The following PDGFC variants were observed in gnomAD, a reference collection of about 807,000 sequenced individuals.
The protein encoded by PDGFC is platelet-derived growth factor C.
A neutral mutation model predicts 35.5 loss-of-function variants in PDGFC; 12 were observed. The ratio of observed to expected loss-of-function variants is 0.34; its 90% confidence interval spans 0.22 to 0.55. The LOEUF is 0.55. PDGFC is among the 20% of genes least tolerant of loss of function. The probability of loss-of-function intolerance (pLI) is 0.91; values close to 1 mark genes in which losing one functional copy is unlikely to be tolerated. For synonymous variants in PDGFC, 159 were observed against 148.8 expected, an observed-to-expected ratio of 1.07 and a Z score of -0.50; for missense variants, 322 against 412.4, an observed-to-expected ratio of 0.78 and a Z score of 1.90.
At chr4:156,790,223 C>T (rs1033044244) in intron 3 of PDGFC, among the ~76,000 whole-genome samples, 3 of 151,948 alleles carry the variant, frequency 2.0e-5, no homozygotes, top group African/African-American at 7.3e-5. Context: ...AAATAATGCA[C>T]ATAATTGTAT....
At chr4:156,846,917 T>A (rs1020308373) in intron 2 of PDGFC, among the ~76,000 whole-genome samples, 2 of 151,840 alleles carry the variant, frequency 1.3e-5, no homozygotes, top group South Asian at 2.1e-4. Flanking sequence ...AATATTGACA[T>A]GTTAAGAGCA....
chr4:156,902,198 T>C (rs1730805287), intron 1 of PDGFC, among the ~76,000 whole-genome samples: 2 of 152,236 alleles, frequency 1.3e-5, no homozygotes, highest in Non-Finnish European at 2.9e-5. Context: ...GTCTTCTACA[T>C]ATCTTGTTAT....
intron 1 of PDGFC, among the ~76,000 whole-genome samples, chr4:156,906,231 CAG>C (rs1029893725): frequency 6.6e-6 from 1 of 152,114 alleles, no homozygotes; most frequent in Non-Finnish European, 1.5e-5. Flanking sequence ...ACTGCTTGCT[CAG>C]GTTTCTTAAT....
intron 3 of PDGFC, among the ~76,000 whole-genome samples, chr4:156,789,780 T>A (rs1731239151): frequency 6.6e-6 from 1 of 152,044 alleles, no homozygotes; most frequent in Non-Finnish European, 1.5e-5. Context: ...ATCGAGACCA[T>A]CCTGGCTAAC....
intron 2 of PDGFC, among the ~76,000 whole-genome samples, chr4:156,839,490 T>C (rs914904973): frequency 2.0e-5 from 3 of 152,206 alleles, no homozygotes; most frequent in Non-Finnish European, 4.4e-5. Flanking sequence ...TAAACTTCTT[T>C]CCTTTATAAA....
chr4:156,879,855 G>A (rs1195486552), intron 1 of PDGFC, among the ~76,000 whole-genome samples: 2 of 152,254 alleles, frequency 1.3e-5, no homozygotes, highest in Non-Finnish European at 2.9e-5. Flanking sequence ...TTCTGTTGCT[G>A]AGCTAAATAA....
chr4:156,793,508 A>C (rs2110888385), intron 3 of PDGFC, among the ~76,000 whole-genome samples: 1 of 145,420 alleles, frequency 6.9e-6, no homozygotes, highest in East Asian at 2.0e-4. Flanking sequence ...GTTAAGTACT[A>C]TTTTATAATA....
intron 1 of PDGFC, among the ~76,000 whole-genome samples, chr4:156,930,049 T>A (rs752441636): frequency 7.2e-5 from 11 of 152,240 alleles, no homozygotes; most frequent in Non-Finnish European, 1.5e-4. Flanking sequence ...CTGGATTGAT[T>A]TGTCATTAGA....
chr4:156,809,948 T>A (rs1731885857), intron 3 of PDGFC, among the ~76,000 whole-genome samples: 1 of 151,896 alleles, frequency 6.6e-6, no homozygotes. Flanking sequence ...ATATATCCCA[T>A]ATTTAAATAT....
intron 3 of PDGFC, among the ~76,000 whole-genome samples, chr4:156,799,021 AT>A (rs1382467430): frequency 6.6e-6 from 1 of 152,216 alleles, no homozygotes; most frequent in African/African-American, 2.4e-5. Flanking sequence ...AGAGTCTTAG[AT>A]AATTGCTACC....
intron 1 of PDGFC, among the ~76,000 whole-genome samples, chr4:156,888,601 T>C (rs1730431065): frequency 1.3e-5 from 2 of 152,184 alleles, no homozygotes; most frequent in Non-Finnish European, 2.9e-5. Flanking sequence ...GTGTTACTGG[T>C]TTCTTTTACC....
At chr4:156,824,443 A>G (rs1014374377) in intron 2 of PDGFC, among the ~76,000 whole-genome samples, 9 of 151,422 alleles carry the variant, frequency 5.9e-5, no homozygotes, top group South Asian at 2.1e-4. Flanking sequence ...CGTTTACCAT[A>G]ATTAACACTC....
intron 3 of PDGFC, among the ~76,000 whole-genome samples, chr4:156,786,136 T>C (rs1731120429): frequency 6.6e-6 from 1 of 152,148 alleles, no homozygotes; most frequent in African/African-American, 2.4e-5. Flanking sequence ...ATGTAATATA[T>C]ATTCATTTGC....
chr4:156,833,692 C>A (rs1188200888), intron 2 of PDGFC, among the ~76,000 whole-genome samples: 1 of 152,110 alleles, frequency 6.6e-6, no homozygotes, highest in Non-Finnish European at 1.5e-5. Context: ...TAATTTTATT[C>A]TTATATAATA....
intron 5 of PDGFC, among the ~76,000 whole-genome samples, chr4:156,766,907 T>C (rs958467773): frequency 1.3e-5 from 2 of 152,166 alleles, no homozygotes; most frequent in Non-Finnish European, 2.9e-5. Flanking sequence ...TCTTGATGCA[T>C]ATGAAAAATC....
intron 1 of PDGFC, among the ~76,000 whole-genome samples, chr4:156,858,187 C>T (rs2111105627): frequency 6.6e-6 from 1 of 152,124 alleles, no homozygotes; most frequent in South Asian, 2.1e-4. Flanking sequence ...CAGAGAGGAT[C>T]TATAAAATTT....
At chr4:156,780,154 T>C (rs1273783407) in intron 3 of PDGFC, among the ~76,000 whole-genome samples, 1 of 150,146 alleles carries the variant, frequency 6.7e-6, no homozygotes, top group Non-Finnish European at 1.5e-5. Context: ...ACAATTCCTC[T>C]GAATAAACAA....
chr4:156,775,006 G>C (rs910493462), intron 3 of PDGFC, among the ~76,000 whole-genome samples: 1 of 152,140 alleles, frequency 6.6e-6, no homozygotes, highest in African/African-American at 2.4e-5. Flanking sequence ...TTAGGACTAA[G>C]ATATTTTCTA....
At chr4:156,936,136 TCTGTGA>T (rs1235912088) in intron 1 of PDGFC, among the ~76,000 whole-genome samples, 2 of 152,232 alleles carry the variant, frequency 1.3e-5, no homozygotes, top group Non-Finnish European at 2.9e-5. Context: ...ACTTGCTAGC[TCTGTGA>T]CTTCCCATCA....
Sources: gnomAD v4.1 joint callset for allele counts (sites outside exome capture counted in the v4.1 genomes callset) on GRCh38, gnomAD v4.1.1 for gene constraint, MANE v1.5 for transcripts, NCBI Gene and HGNC (gene_info 2026-07-23, HGNC 2026-07-21) for gene names.